The following CACNG2 variants were observed in gnomAD, a reference collection of about 807,000 sequenced individuals.
The protein encoded by CACNG2 is voltage-dependent calcium channel gamma-2 subunit.
A neutral mutation model predicts 25.9 loss-of-function variants in CACNG2; 3 were observed. That is an observed-to-expected ratio of 0.12 (90% CI 0.05 to 0.30). The LOEUF is 0.30. Ranked by LOEUF, CACNG2 falls within the 10% of genes least tolerant of loss-of-function variation. CACNG2 has a pLI of 1.00. For missense variants in CACNG2, 341 were observed against 432.5 expected (o/e 0.79, Z 1.88); for synonymous variants, 167 against 173.3 (o/e 0.96, Z 0.29).
intron 2 of CACNG2, among the ~76,000 whole-genome samples, chr22:36,580,763 A>G (rs1047194017): frequency 6.6e-6 from 1 of 152,088 alleles, no homozygotes; most frequent in Non-Finnish European, 1.5e-5. Flanking sequence ...GAGGAAGCCA[A>G]ATTCCTCTGA....
intron 1 of CACNG2, among the ~76,000 whole-genome samples, chr22:36,590,401 G>A (rs904681039): frequency 2.6e-5 from 4 of 152,136 alleles, no homozygotes; most frequent in Non-Finnish European, 4.4e-5. Context: ...CTCTAGCCTG[G>A]CACTCTGGAG....
chr22:36,646,144 A>G (rs1458560066), intron 1 of CACNG2, among the ~76,000 whole-genome samples: 1 of 152,220 alleles, frequency 6.6e-6, no homozygotes, highest in Non-Finnish European at 1.5e-5. Context: ...GAGCAAGCCT[A>G]TATCTGGGAA....
intron 1 of CACNG2, among the ~76,000 whole-genome samples, chr22:36,649,149 G>A (rs529864762): frequency 2.6e-5 from 4 of 152,048 alleles, no homozygotes; most frequent in Non-Finnish European, 5.9e-5. Context: ...CATGTCCTCC[G>A]CGGAGCTCCC....
intron 1 of CACNG2, among the ~76,000 whole-genome samples, chr22:36,594,760 T>C (rs1324935066): frequency 6.6e-6 from 1 of 151,106 alleles, no homozygotes; most frequent in Non-Finnish European, 1.5e-5. Context: ...TGCGTATGTG[T>C]GTGCGTGCAT....
At chr22:36,684,381 C>T (rs572333632) in intron 1 of CACNG2, among the ~76,000 whole-genome samples, 3 of 151,968 alleles carry the variant, frequency 2.0e-5, no homozygotes, top group Non-Finnish European at 2.9e-5. Context: ...TTTGGGAGGC[C>T]GAGGTGGGTG....
At chr22:36,659,357 C>T (rs1388627771) in intron 1 of CACNG2, among the ~76,000 whole-genome samples, 1 of 152,132 alleles carries the variant, frequency 6.6e-6, no homozygotes, top group African/African-American at 2.4e-5. Flanking sequence ...CCTGATGCTA[C>T]TTCTCAGGGA....
intron 1 of CACNG2, among the ~76,000 whole-genome samples, chr22:36,626,844 C>G (rs1243170275): frequency 6.6e-6 from 1 of 152,198 alleles, no homozygotes; most frequent in Non-Finnish European, 1.5e-5. Context: ...TAGAGTAAAA[C>G]GAAGACCCCA....
At chr22:36,689,649 G>A (rs1663731632) in intron 1 of CACNG2, among the ~76,000 whole-genome samples, 1 of 152,222 alleles carries the variant, frequency 6.6e-6, no homozygotes, top group African/African-American at 2.4e-5. Context: ...TCTCCATGAA[G>A]CTTTCCAAGG....
intron 1 of CACNG2, among the ~76,000 whole-genome samples, chr22:36,657,341 G>T (rs892218635): frequency 3.3e-5 from 5 of 152,196 alleles, no homozygotes; most frequent in Non-Finnish European, 5.9e-5. Context: ...AACCAGAGGA[G>T]ATTATAATTT....
intron 1 of CACNG2, among the ~76,000 whole-genome samples, chr22:36,588,399 A>G (rs1018041408): frequency 5.9e-5 from 9 of 152,196 alleles, no homozygotes. Flanking sequence ...GTGTTCACTG[A>G]TGAGCACGTG....
intron 1 of CACNG2, among the ~76,000 whole-genome samples, chr22:36,622,578 T>C (rs1569032486): frequency 6.6e-6 from 1 of 152,204 alleles, no homozygotes; most frequent in Non-Finnish European, 1.5e-5. Context: ...AGGCAGACAT[T>C]CGGCTCTGGA....
chr22:36,564,340 G>A lies in CACNG2; in HGVS notation c.*11C>T. Reference sequence around the variant, plus strand: ...CCTCCTCCCGCGGTCTTCTGGCGAGGCCCGCGGTCTTTATACGGGGGTGGT... The same window carrying A: ...CCTCCTCCCGCGGTCTTCTGGCGAGACCCGCGGTCTTTATACGGGGGTGGT... On this transcript the variant is annotated 3_prime_UTR_variant, in exon 4 of 4. Transcript: ENST00000300105. The surrounding 1 kb of genome is among the most constrained non-coding windows in gnomAD (Gnocchi z 6.7). 1 of 1,609,882 alleles carries A rather than the reference G, an allele frequency of 6.2e-7. No individual in the cohort carries two copies. Among genetic ancestry groups the A allele is most frequent in the Non-Finnish European group, 8.5e-7 (1 of 1,178,126 alleles).
intron 2 of CACNG2, among the ~76,000 whole-genome samples, chr22:36,577,784 A>G (rs1349933173): frequency 6.6e-6 from 1 of 152,082 alleles, no homozygotes; most frequent in Non-Finnish European, 1.5e-5. Context: ...TACAAGTGGC[A>G]GCTTAGATGT....
At chr22:36,603,194 C>A (rs1467142285) in intron 1 of CACNG2, among the ~76,000 whole-genome samples, 1 of 152,208 alleles carries the variant, frequency 6.6e-6, no homozygotes. Flanking sequence ...CTGGATAGAT[C>A]AAACCAGACA....
chr22:36,645,454 A>G lies in CACNG2; in HGVS notation c.211+56912T>C, dbSNP rs528785593. On this transcript the variant is annotated intron_variant, in intron 1 of 3. Coordinates refer to ENST00000300105, the MANE Select transcript of CACNG2 (RefSeq NM_006078.5). Reference sequence around the variant, plus strand: ...TGGGAGGCTGAGGCAGGAGAATGGCATGAACCCCAGAGGCGGAGCTTGCAG... The same window carrying G: ...TGGGAGGCTGAGGCAGGAGAATGGCGTGAACCCCAGAGGCGGAGCTTGCAG... 4.0e-5 allele frequency among the ~76,000 whole-genome samples: 6 copies of G among 150,682 alleles called. No homozygotes were observed. In the Admixed American group the frequency reaches 4.0e-4, roughly 10 times the overall value.
intron 1 of CACNG2, among the ~76,000 whole-genome samples, chr22:36,634,792 G>A (rs1391109912): frequency 2.0e-5 from 3 of 152,222 alleles, no homozygotes; most frequent in Non-Finnish European, 2.9e-5. Context: ...AGTTTATATA[G>A]TGGGGAAGAC....
chr22:36,568,863 G>A, intron 2 of CACNG2, among the ~76,000 whole-genome samples: 1 of 150,226 alleles, frequency 6.7e-6, no homozygotes, highest in Non-Finnish European at 1.5e-5. Context: ...ATATAGGGAA[G>A]CAGGGGTGGG....
rs186714898 is a variant in CACNG2 at position 36,607,446 on chromosome 22, G to A, written c.212-19898C>T. Among the ~76,000 whole-genome samples, 286 of 152,254 alleles carry A rather than the reference G, an allele frequency of 1.9e-3. 3 individuals are homozygous for A. Among genetic ancestry groups the A allele is most frequent in the African/African-American group, 6.5e-3 (272 of 41,544 alleles). On this transcript the variant is annotated intron_variant, in intron 1 of 3. Coordinates refer to ENST00000300105, the MANE Select transcript of CACNG2 (RefSeq NM_006078.5). ...AATTTTTGTATTTTTTGTAGAGACA[G>A]GGTTTCATCACGTTTCCCAGGCTGG...
At chr22:36,682,623 G>A (rs1390137732) in intron 1 of CACNG2, among the ~76,000 whole-genome samples, 7 of 151,772 alleles carry the variant, frequency 4.6e-5, no homozygotes, top group Non-Finnish European at 7.4e-5. Flanking sequence ...AGTGATAAAC[G>A]TTTGACTGCA....
Sources: gnomAD v4.1 joint callset for allele counts (sites outside exome capture counted in the v4.1 genomes callset) on GRCh38, gnomAD v4.1.1 for gene constraint, Gnocchi (gnomAD v3.1) non-coding constraint, MANE v1.5 for transcripts, NCBI Gene and HGNC (gene_info 2026-07-23, HGNC 2026-07-21) for gene names.